Variants in ROBO2 observed in about 807,000 individuals in gnomAD.
ROBO2 encodes the protein roundabout homolog 2.
Under a neutral mutation model 160.8 loss-of-function variants are expected in ROBO2, and 53 were observed. That is an observed-to-expected ratio of 0.33 (90% CI 0.26 to 0.41). The LOEUF is 0.41. Ranked by LOEUF, ROBO2 falls within the 10% of genes least tolerant of loss-of-function variation. The pLI, the probability that ROBO2 is intolerant of heterozygous loss-of-function variation, is 1.00. For synonymous variants in ROBO2, 664 were observed against 611.7 expected (o/e 1.09, Z -1.26); for missense variants, 1,577 against 1,722.4 (o/e 0.92, Z 1.49).
intron 5 of ROBO2, among the ~76,000 whole-genome samples, chr3:77,499,761 G>C (rs1455516161): frequency 6.7e-6 from 1 of 149,514 alleles, no homozygotes; most frequent in Non-Finnish European, 1.5e-5. Flanking sequence ...TGATTCTCCT[G>C]CCCCAGCCTC....
intron 2 of ROBO2, among the ~76,000 whole-genome samples, chr3:76,295,777 G>A (rs558841247): frequency 2.0e-5 from 3 of 152,018 alleles, no homozygotes; most frequent in African/African-American, 4.8e-5. Context: ...GTGACTTTAC[G>A]TAAATTATCT....
At chr3:76,511,132 A>C (rs1388128883) in intron 2 of ROBO2, among the ~76,000 whole-genome samples, 1 of 152,192 alleles carries the variant, frequency 6.6e-6, no homozygotes, top group Non-Finnish European at 1.5e-5. Context: ...AAAGACACTG[A>C]ATGCAGCTGA....
chr3:77,401,556 G>GTA, intron 2 of ROBO2, among the ~76,000 whole-genome samples: 2 of 151,990 alleles, frequency 1.3e-5, no homozygotes, highest in South Asian at 4.1e-4. Flanking sequence ...GGTAAAAAGG[G>GTA]TATGCACTTG....
intron 2 of ROBO2, among the ~76,000 whole-genome samples, chr3:77,108,215 T>C (rs2073079864): frequency 6.7e-6 from 1 of 149,072 alleles, no homozygotes; most frequent in Non-Finnish European, 1.5e-5. Context: ...CATATATATA[T>C]GTATACACAT....
intron 2 of ROBO2, among the ~76,000 whole-genome samples, chr3:76,441,819 TA>T (rs1480647343): frequency 6.6e-6 from 1 of 152,244 alleles, no homozygotes; most frequent in Admixed American, 6.5e-5. Context: ...AATTGTCTAA[TA>T]TCCAGTCGCA....
intron 2 of ROBO2, among the ~76,000 whole-genome samples, chr3:77,460,140 T>C (rs1560897252): frequency 6.6e-6 from 1 of 151,808 alleles, no homozygotes; most frequent in Non-Finnish European, 1.5e-5. Flanking sequence ...GGGGCGGAAG[T>C]CAGGAAAATC....
intron 2 of ROBO2, among the ~76,000 whole-genome samples, chr3:76,303,566 C>T (rs1238946877): frequency 1.3e-5 from 2 of 151,436 alleles, no homozygotes; most frequent in Non-Finnish European, 1.5e-5. Flanking sequence ...CAAATTTGCC[C>T]AGATTATTCC....
At chr3:76,200,388 G>A (rs571253772) in intron 2 of ROBO2, among the ~76,000 whole-genome samples, 5 of 152,180 alleles carry the variant, frequency 3.3e-5, no homozygotes, top group Admixed American at 3.3e-4. Flanking sequence ...TTTGTAAATG[G>A]AAATACTTTT....
intron 5 of ROBO2, among the ~76,000 whole-genome samples, chr3:77,515,450 A>C (rs762452983): frequency 3.3e-5 from 5 of 151,850 alleles, no homozygotes; most frequent in Non-Finnish European, 7.4e-5. Context: ...TTGTTTAAAT[A>C]ATTTTAAAAT....
intron 2 of ROBO2, among the ~76,000 whole-genome samples, chr3:76,314,587 T>C (rs1449173971): frequency 1.3e-5 from 2 of 152,156 alleles, no homozygotes; most frequent in African/African-American, 4.8e-5. Flanking sequence ...TCTTCTTCTT[T>C]AACCTACTTA....
chr3:76,847,381 C>T (rs190907410), intron 2 of ROBO2, among the ~76,000 whole-genome samples: 64 of 152,108 alleles, frequency 4.2e-4, no homozygotes, highest in African/African-American at 1.3e-3. Context: ...GTTATCAGCA[C>T]CCAGGAATTA....
chr3:77,431,191 A>G (rs2078736277), intron 2 of ROBO2, among the ~76,000 whole-genome samples: 1 of 152,176 alleles, frequency 6.6e-6, no homozygotes, highest in South Asian at 2.1e-4. Flanking sequence ...GTAACTCTTA[A>G]TGTCTGAGAG....
chr3:77,224,085 A>G (rs2151221371), intron 2 of ROBO2, among the ~76,000 whole-genome samples: 1 of 152,156 alleles, frequency 6.6e-6, no homozygotes, highest in East Asian at 1.9e-4. Context: ...TTGGATTTAG[A>G]GTACTTCTAA....
chr3:77,617,817 T>C lies in ROBO2; in HGVS notation c.3554+44T>C, dbSNP rs951897794. 25 of 1,603,360 alleles carry C rather than the reference T, an allele frequency of 1.6e-5. No individual in the cohort carries two copies. In the Middle Eastern group the frequency reaches 2.6e-3, roughly 170 times the overall value. Reference sequence around the variant, plus strand: ...TCAAGAGACCCATGCTTTCAACACATGGAAATTTTTTTCAGAATAAATTCA... The same window carrying C: ...TCAAGAGACCCATGCTTTCAACACACGGAAATTTTTTTCAGAATAAATTCA... On this transcript the variant is annotated intron_variant, in intron 22 of 25. Coordinates refer to ENST00000461745, the Ensembl canonical transcript of ROBO2.
chr3:77,460,792 AAAC>A (rs1226554963), intron 2 of ROBO2, among the ~76,000 whole-genome samples: 1 of 152,162 alleles, frequency 6.6e-6, no homozygotes. Flanking sequence ...AATGGGAGAG[AAAC>A]ATGGAGTTAT....
chr3:77,546,524 T>C, intron 7 of ROBO2, 62 bp downstream of exon 8: 1 of 1,594,794 alleles, frequency 6.3e-7, no homozygotes, highest in Non-Finnish European at 8.6e-7. Flanking sequence ...CTGCTGCTCC[T>C]GAAAGCTTGC....
At chr3:76,252,756 TATACACACACACAC>T (rs1487093433) in intron 2 of ROBO2, among the ~76,000 whole-genome samples, 2 of 137,844 alleles carry the variant, frequency 1.5e-5, no homozygotes. Flanking sequence ...CATGTATATG[TATACACACACACAC>T]ACACACACAC....
At chr3:77,043,561 G>A (rs552740101) in intron 1 of ROBO2, among the ~76,000 whole-genome samples, 1 of 152,092 alleles carries the variant, frequency 6.6e-6, no homozygotes, top group South Asian at 2.1e-4. Context: ...TTTCTATTTG[G>A]GATGTAAATA....
At chr3:75,924,070 A>C (rs1347957071) in intron 1 of ROBO2, among the ~76,000 whole-genome samples, 1 of 152,172 alleles carries the variant, frequency 6.6e-6, no homozygotes, top group Non-Finnish European at 1.5e-5. Context: ...ATAATTTATT[A>C]TTTCCTTGCC....
Sources: gnomAD v4.1 joint callset for allele counts (sites outside exome capture counted in the v4.1 genomes callset) on GRCh38, gnomAD v4.1.1 for gene constraint, MANE v1.5 for transcripts, NCBI Gene and HGNC (gene_info 2026-07-23, HGNC 2026-07-21) for gene names.